Variants in EPB41 observed in about 807,000 individuals in gnomAD.
EPB41 encodes the protein erythrocyte membrane protein band 4.1, also known as protein 4.1.
EPB41 carries 65 observed loss-of-function variants against 108.0 expected under a neutral mutation model. That is an observed-to-expected ratio of 0.60 (90% confidence interval 0.49 to 0.74). EPB41 has a LOEUF of 0.74. Among genes scored for constraint, EPB41 ranks in the 30% least tolerant of loss-of-function variants. The pLI, the probability that EPB41 is intolerant of heterozygous loss-of-function variation, is 0.00. For synonymous variants in EPB41, 336 were observed against 358.9 expected, an observed-to-expected ratio of 0.94 and a Z score of 0.72; for missense variants, 875 against 1,037.0, an observed-to-expected ratio of 0.84 and a Z score of 2.15.
chr1:29,055,818 T>C (rs1045332908), intron 12 of EPB41, among the ~76,000 whole-genome samples: 5 of 146,780 alleles, frequency 3.4e-5, no homozygotes, highest in Non-Finnish European at 5.9e-5. Flanking sequence ...ATCCCAGCTA[T>C]TTGGGAGGCT....
chr1:29,051,138 G>T (rs1416208344), intron 11 of EPB41, among the ~76,000 whole-genome samples: 1 of 103,252 alleles, frequency 9.7e-6, no homozygotes, highest in Non-Finnish European at 1.7e-5. Flanking sequence ...TGGCTCTGTT[G>T]CCCAGGCTGG....
chr1:29,015,655 G>C (rs754471476), intron 5 of EPB41, 37 bp from the exon 6 acceptor site: 10 of 1,225,160 alleles, frequency 8.2e-6, no homozygotes, highest in Non-Finnish European at 1.1e-5. Flanking sequence ...AGAAACTTAG[G>C]TATAAACGTA....
intron 11 of EPB41, among the ~76,000 whole-genome samples, chr1:29,044,805 T>G (rs1026141558): frequency 6.6e-6 from 1 of 152,188 alleles, no homozygotes; most frequent in African/African-American, 2.4e-5. Context: ...TGAGCTGAGA[T>G]CGCGCCTGCA....
chr1:29,071,573 C>T (rs1651462074), intron 16 of EPB41: 1 of 152,078 alleles, frequency 6.6e-6, no homozygotes, highest in African/African-American at 2.4e-5. Flanking sequence ...TGTTCGTGTA[C>T]TTGTGTTGAA....
At chr1:29,027,107 A>G (rs2096728973) in intron 7 of EPB41, among the ~76,000 whole-genome samples, 1 of 151,744 alleles carries the variant, frequency 6.6e-6, no homozygotes, top group Non-Finnish European at 1.5e-5. Context: ...AAAAAAAAAA[A>G]TTCTTAAGTT....
At chr1:29,013,765 G>T (rs2096539653) in intron 5 of EPB41, among the ~76,000 whole-genome samples, 2 of 151,420 alleles carry the variant, frequency 1.3e-5, no homozygotes, top group South Asian at 4.2e-4. Flanking sequence ...CTGACCTCGG[G>T]TGATCCACCC....
At chr1:28,949,611 TA>T (rs766865914) in intron 1 of EPB41, among the ~76,000 whole-genome samples, 1 of 151,664 alleles carries the variant, frequency 6.6e-6, no homozygotes, top group Non-Finnish European at 1.5e-5. Context: ...TATTTATTTT[TA>T]TTTTTTTTTT....
At chr1:29,033,048 G>C (rs746258143) in intron 8 of EPB41, 45 bp from the exon 9 acceptor site, 5 of 1,585,950 alleles carry the variant, frequency 3.2e-6, no homozygotes, top group Admixed American at 3.3e-5. Context: ...ACAGTGTATT[G>C]AGTACTTTGC....
intron 1 of EPB41, among the ~76,000 whole-genome samples, chr1:28,955,924 A>C (rs2094933234): frequency 6.6e-6 from 1 of 152,386 alleles, no homozygotes; most frequent in Non-Finnish European, 1.5e-5. Flanking sequence ...TATAATAAAC[A>C]CTATAACTTT....
At chr1:28,983,996 T>G (rs2095816997) in intron 1 of EPB41, among the ~76,000 whole-genome samples, 1 of 128,984 alleles carries the variant, frequency 7.8e-6, no homozygotes, top group Non-Finnish European at 1.6e-5. Context: ...CTGATGAAAG[T>G]GGCTCTCAGC....
intron 1 of EPB41, among the ~76,000 whole-genome samples, chr1:28,963,778 G>T (rs2095287703): frequency 2.0e-5 from 3 of 152,116 alleles, no homozygotes; most frequent in South Asian, 4.1e-4. Context: ...TATACCCAGG[G>T]TTACACCGTG....
At chr1:29,113,604 T>G (rs552147326) in intron 19 of EPB41, among the ~76,000 whole-genome samples, 2 of 152,328 alleles carry the variant, frequency 1.3e-5, no homozygotes, top group Admixed American at 6.5e-5. Flanking sequence ...GAAAGGTGTT[T>G]GAGGTTTGGA....
chr1:28,910,678 G>A (rs2092198908), upstream of EPB41, among the ~76,000 whole-genome samples: 1 of 152,136 alleles, frequency 6.6e-6, no homozygotes, highest in Non-Finnish European at 1.5e-5. Flanking sequence ...CCTCTTATGT[G>A]CAGCTGGTGT....
At chr1:29,004,263 T>A (rs2096358512) in intron 4 of EPB41, among the ~76,000 whole-genome samples, 1 of 152,202 alleles carries the variant, frequency 6.6e-6, no homozygotes. Context: ...CTTGTGCTCT[T>A]CTGGTAAATA....
At chr1:28,940,571 G>C (rs1370350493) in intron 1 of EPB41, among the ~76,000 whole-genome samples, 1 of 152,112 alleles carries the variant, frequency 6.6e-6, no homozygotes, top group African/African-American at 2.4e-5. Context: ...AAAATCACTT[G>C]AACCCGGGAG....
intron 1 of EPB41, among the ~76,000 whole-genome samples, chr1:28,942,247 G>A (rs1474546066): frequency 6.6e-6 from 1 of 152,092 alleles, no homozygotes; most frequent in African/African-American, 2.4e-5. Flanking sequence ...CTTCAATTCT[G>A]ACACTATCTA....
intron 4 of EPB41, among the ~76,000 whole-genome samples, chr1:29,007,919 A>G (rs933973292): frequency 6.6e-6 from 1 of 152,194 alleles, no homozygotes; most frequent in Non-Finnish European, 1.5e-5. Context: ...GCCCAAATGT[A>G]TATCTGGTCC....
chr1:28,970,426 A>G (rs1191919988), intron 1 of EPB41, among the ~76,000 whole-genome samples: 1 of 152,228 alleles, frequency 6.6e-6, no homozygotes, highest in African/African-American at 2.4e-5. Context: ...ACTAAAAATA[A>G]GAGAGTAAGG....
In EPB41 at chr1:28,999,128, T is replaced by C. The variant is rs192441992; in HGVS notation, c.786+1809T>C. Among the ~76,000 whole-genome samples, 445 of 152,246 alleles carry C rather than the reference T, an allele frequency of 2.9e-3. 3 individuals are homozygous for C. The highest frequency in any genetic ancestry group is 0.01 in the African/African-American group (427 of 41,556). On this transcript the variant is annotated intron_variant, in intron 4 of 20. Coordinates refer to ENST00000343067, the MANE Select transcript of EPB41 (RefSeq NM_001376013.1). ...GCTCACGCCTGTAATCCCAGCACTT[T>C]GGGAGGCTGAGGCGGGCGGATCACG...
Sources: allele counts gnomAD v4.1 joint callset (sites outside exome capture counted in the v4.1 genomes callset), GRCh38; gene constraint gnomAD v4.1.1; transcripts MANE v1.5; gene names NCBI Gene and HGNC (gene_info 2026-07-23, HGNC 2026-07-21).